The following ZBTB20 variants were observed in gnomAD, a reference collection of about 807,000 sequenced individuals.
ZBTB20 encodes zinc finger and BTB domain containing 20, also known as zinc finger and BTB domain-containing protein 20.
ZBTB20 carries 9 observed loss-of-function variants against 56.9 expected under a neutral mutation model. The ratio of observed to expected loss-of-function variants is 0.16; its 90% confidence interval spans 0.10 to 0.28. The LOEUF (loss-of-function observed/expected upper bound fraction) is 0.28, where lower values mean the gene tolerates loss of function less well. ZBTB20 is among the 10% of genes least tolerant of loss of function. The pLI, the probability that ZBTB20 is intolerant of heterozygous loss-of-function variation, is 1.00. For missense variants in ZBTB20, 655 were observed against 1,003.0 expected, an observed-to-expected ratio of 0.65 and a Z score of 4.69; for synonymous variants, 417 against 420.7, an observed-to-expected ratio of 0.99 and a Z score of 0.11.
At chr3:114,368,328 C>G (rs2082642828) in intron 10 of ZBTB20, among the ~76,000 whole-genome samples, 1 of 152,122 alleles carries the variant, frequency 6.6e-6, no homozygotes, top group African/African-American at 2.4e-5. Context: ...TATTGGAAAA[C>G]AACACATAGC....
chr3:115,055,870 G>A (rs538581757), intron 2 of ZBTB20, among the ~76,000 whole-genome samples: 1 of 152,110 alleles, frequency 6.6e-6, no homozygotes, highest in East Asian at 1.9e-4. Flanking sequence ...TACAATAAAC[G>A]TATTATAAGA....
At chr3:114,646,552 A>G (rs1377429281) in intron 6 of ZBTB20, among the ~76,000 whole-genome samples, 1 of 152,212 alleles carries the variant, frequency 6.6e-6, no homozygotes, top group Non-Finnish European at 1.5e-5. Context: ...ATAAGCCAAA[A>G]AAAATCTCTC....
chr3:114,872,016 T>C (rs1260009191), intron 4 of ZBTB20, among the ~76,000 whole-genome samples: 1 of 152,102 alleles, frequency 6.6e-6, no homozygotes, highest in Non-Finnish European at 1.5e-5. Flanking sequence ...TTACTTTCAC[T>C]TCCCGCCAGG....
intron 5 of ZBTB20, among the ~76,000 whole-genome samples, chr3:114,787,260 G>A (rs1302324424): frequency 2.0e-5 from 3 of 149,914 alleles, no homozygotes; most frequent in Admixed American, 6.7e-5. Context: ...CTCCAGGCAT[G>A]AGCTAACCAT....
At chr3:114,669,625 T>C (rs1182867153) in intron 6 of ZBTB20, among the ~76,000 whole-genome samples, 2 of 150,880 alleles carry the variant, frequency 1.3e-5, no homozygotes, top group Non-Finnish European at 3.0e-5. Context: ...AGTGAACACA[T>C]TAAAAAAAAA....
chr3:114,552,696 A>G (rs2050724134), intron 6 of ZBTB20, among the ~76,000 whole-genome samples: 1 of 152,196 alleles, frequency 6.6e-6, no homozygotes, highest in African/African-American at 2.4e-5. Flanking sequence ...ACTGGCTGCT[A>G]TACCAGGCAA....
intron 6 of ZBTB20, among the ~76,000 whole-genome samples, chr3:114,584,308 C>A (rs947287618): frequency 6.6e-6 from 1 of 151,650 alleles, no homozygotes; most frequent in Non-Finnish European, 1.5e-5. Flanking sequence ...TTTTCTAAAT[C>A]AAAAATAGTG....
intron 1 of ZBTB20, among the ~76,000 whole-genome samples, chr3:115,109,721 T>G (rs945832887): frequency 3.3e-5 from 5 of 152,174 alleles, no homozygotes; most frequent in Admixed American, 6.5e-5. Context: ...AGACTAATGA[T>G]GGGGAACAGA....
intron 2 of ZBTB20, among the ~76,000 whole-genome samples, chr3:115,000,931 A>G (rs975003835): frequency 3.3e-5 from 5 of 151,522 alleles, no homozygotes; most frequent in African/African-American, 7.3e-5. Flanking sequence ...TCTTGCAACA[A>G]GAGAATACCA....
intron 7 of ZBTB20, among the ~76,000 whole-genome samples, chr3:114,483,282 G>C (rs2109388642): frequency 6.6e-6 from 1 of 151,980 alleles, no homozygotes; most frequent in South Asian, 2.1e-4. Flanking sequence ...TACACAAAAA[G>C]AATATTTGTA....
chr3:114,904,114 AGAGT>A (rs1179455595), intron 3 of ZBTB20, among the ~76,000 whole-genome samples: 1 of 151,252 alleles, frequency 6.6e-6, no homozygotes, highest in Non-Finnish European at 1.5e-5. Flanking sequence ...GATATACTAT[AGAGT>A]GTTTGTTTGT....
At chr3:114,924,433 C>T (rs1185226591) in intron 3 of ZBTB20, among the ~76,000 whole-genome samples, 1 of 152,088 alleles carries the variant, frequency 6.6e-6, no homozygotes, top group African/African-American at 2.4e-5. Context: ...ATCTGTAAGA[C>T]ATTATACTAA....
chr3:115,078,623 A>G (rs1471924285), intron 1 of ZBTB20, among the ~76,000 whole-genome samples: 23 of 147,608 alleles, frequency 1.6e-4, no homozygotes, highest in African/African-American at 5.3e-4. Context: ...GTATATATAT[A>G]TATATATATA....
intron 7 of ZBTB20, among the ~76,000 whole-genome samples, chr3:114,495,915 G>T (rs2043232629): frequency 6.6e-6 from 1 of 152,170 alleles, no homozygotes; most frequent in Non-Finnish European, 1.5e-5. Flanking sequence ...TTTATAAGTT[G>T]CCAAGGTGGT....
intron 2 of ZBTB20, among the ~76,000 whole-genome samples, chr3:115,057,220 A>C (rs2081832840): frequency 6.6e-6 from 1 of 152,074 alleles, no homozygotes; most frequent in African/African-American, 2.4e-5. Flanking sequence ...TAAATCCATT[A>C]ACTTTAACTT....
At chr3:114,356,738 C>A (rs1328073707) in intron 10 of ZBTB20, among the ~76,000 whole-genome samples, 1 of 152,070 alleles carries the variant, frequency 6.6e-6, no homozygotes, top group Non-Finnish European at 1.5e-5. Context: ...TTCTCCAAAC[C>A]CCCTGCCTGG....
intron 6 of ZBTB20, among the ~76,000 whole-genome samples, chr3:114,577,501 C>T (rs1185749161): frequency 2.6e-5 from 4 of 152,158 alleles, no homozygotes; most frequent in Non-Finnish European, 5.9e-5. Context: ...GAAACACAGT[C>T]AGACTTAAAA....
intron 5 of ZBTB20, among the ~76,000 whole-genome samples, chr3:114,709,831 T>G (rs2063946655): frequency 6.6e-6 from 1 of 152,226 alleles, no homozygotes; most frequent in African/African-American, 2.4e-5. Flanking sequence ...TACACTCTGC[T>G]GATGCTAGAC....
chr3:114,777,618 T>G (rs966332225), intron 5 of ZBTB20, among the ~76,000 whole-genome samples: 8 of 152,198 alleles, frequency 5.3e-5, no homozygotes, highest in Non-Finnish European at 7.4e-5. Context: ...AGGATGTGGA[T>G]AAATAGGAAC....
Sources: gnomAD v4.1 joint callset for allele counts (sites outside exome capture counted in the v4.1 genomes callset) on GRCh38, gnomAD v4.1.1 for gene constraint, MANE v1.5 for transcripts, NCBI Gene and HGNC (gene_info 2026-07-23, HGNC 2026-07-21) for gene names.